The following KLHL32 variants were observed in gnomAD, a reference collection of about 807,000 sequenced individuals.
The protein encoded by KLHL32 is kelch-like protein 32.
A neutral mutation model predicts 64.8 loss-of-function variants in KLHL32; 35 were observed. The ratio of observed to expected loss-of-function variants is 0.54; its 90% CI spans 0.41 to 0.72. The LOEUF (loss-of-function observed/expected upper bound fraction) is 0.72. Among genes scored for constraint, KLHL32 ranks in the 30% least tolerant of loss-of-function variants. The pLI is 0.00. For synonymous variants in KLHL32, 259 were observed against 281.0 expected (o/e 0.92, Z 0.78); for missense variants, 589 against 768.5 (o/e 0.77, Z 2.76).
intron 3 of KLHL32, among the ~76,000 whole-genome samples, chr6:97,015,540 G>C (rs191632962): frequency 6.6e-6 from 1 of 152,342 alleles, no homozygotes; most frequent in East Asian, 1.9e-4. Flanking sequence ...CCCTGCCCTA[G>C]AGACCTGTGG....
chr6:97,085,405 G>A, intron 6 of KLHL32, 64 bp downstream of exon 6: 1 of 1,406,492 alleles, frequency 7.1e-7, no homozygotes, highest in Non-Finnish European at 1.0e-6. Context: ...GAAGTTAAAG[G>A]ACTGAGGAAC....
chr6:97,132,408 C>CCA (rs1799532866), intron 9 of KLHL32, among the ~76,000 whole-genome samples: 1 of 152,158 alleles, frequency 6.6e-6, no homozygotes, highest in Non-Finnish European at 1.5e-5. Context: ...GTATTTAATG[C>CCA]TGTACTTACT....
intron 3 of KLHL32, among the ~76,000 whole-genome samples, chr6:97,019,221 T>C (rs1408171609): frequency 6.6e-6 from 1 of 152,234 alleles, no homozygotes; most frequent in Non-Finnish European, 1.5e-5. Context: ...GTTCTTAATA[T>C]GGACTTGAAG....
chr6:96,922,273 A>G (rs954898219), upstream of KLHL32, among the ~76,000 whole-genome samples: 1 of 152,158 alleles, frequency 6.6e-6, no homozygotes, highest in Non-Finnish European at 1.5e-5. Flanking sequence ...AGAGCAATCA[A>G]TTGGGACTCA....
intron 6 of KLHL32, chr6:97,105,297 A>T: frequency 2.6e-6 from 1 of 379,728 alleles, no homozygotes; most frequent in Non-Finnish European, 5.3e-6. Context: ...ATGCATCATC[A>T]TCCATTCTAT....
chr6:97,101,876 A>G (rs1209250785), intron 6 of KLHL32, among the ~76,000 whole-genome samples: 1 of 152,232 alleles, frequency 6.6e-6, no homozygotes, highest in Non-Finnish European at 1.5e-5. Context: ...GTTGTATTAC[A>G]TAAAAATGGT....
At chr6:97,003,317 T>C (rs1779266624) in intron 3 of KLHL32, among the ~76,000 whole-genome samples, 1 of 152,112 alleles carries the variant, frequency 6.6e-6, no homozygotes, top group South Asian at 2.1e-4. Flanking sequence ...TGTCTGTTCA[T>C]GTCCTTTTCC....
intron 6 of KLHL32, among the ~76,000 whole-genome samples, chr6:97,095,903 T>A (rs933084321): frequency 5.3e-5 from 8 of 152,160 alleles, no homozygotes; most frequent in Non-Finnish European, 1.0e-4. Context: ...TTGCAGAAAG[T>A]CATATGCAAG....
intron 6 of KLHL32, among the ~76,000 whole-genome samples, chr6:97,094,543 A>C (rs576361367): frequency 1.9e-4 from 29 of 152,308 alleles, no homozygotes; most frequent in Non-Finnish European, 3.2e-4. Context: ...AGAGTTATGC[A>C]TTCTCCATGG....
At chr6:97,088,692 A>G (rs2128183143) in intron 6 of KLHL32, among the ~76,000 whole-genome samples, 1 of 152,332 alleles carries the variant, frequency 6.6e-6, no homozygotes, top group Admixed American at 6.5e-5. Flanking sequence ...TCAAATCATC[A>G]TATTGTACAC....
intron 1 of KLHL32, among the ~76,000 whole-genome samples, chr6:96,942,021 T>C (rs973119115): frequency 6.6e-6 from 1 of 152,236 alleles, no homozygotes; most frequent in African/African-American, 2.4e-5. Context: ...GTATATATAG[T>C]AACTTAGGTA....
intron 2 of KLHL32, among the ~76,000 whole-genome samples, chr6:96,968,032 T>A (rs1300168338): frequency 6.6e-6 from 1 of 152,198 alleles, no homozygotes; most frequent in Non-Finnish European, 1.5e-5. Flanking sequence ...GGGGAATACA[T>A]TTTTCTTAAG....
At position 97,140,273 on chromosome 6, in the gene KLHL32, C is replaced by T. The variant is rs879710703; in HGVS notation, c.*991C>T. On this transcript the variant is annotated 3_prime_UTR_variant, in exon 11 of 11. Coordinates refer to ENST00000369261, the MANE Select transcript of KLHL32 (RefSeq NM_052904.4). ...TTTAAAATCATTTAGTGAAAAATGA[C>T]ATTTAAAGCTAAAAAATAATTTAGT... 1.3e-5 allele frequency: 2 copies of T among 152,000 alleles called. No homozygotes were observed. Among genetic ancestry groups the T allele is most frequent in the African/African-American group, 2.4e-5 (1 of 41,414 alleles). The allele number at this position is 152,000 out of a possible 1,614,324, so 9.4% of individuals were successfully genotyped here.
At chr6:96,971,667 A>T (rs1775120354) in intron 2 of KLHL32, among the ~76,000 whole-genome samples, 1 of 152,072 alleles carries the variant, frequency 6.6e-6, no homozygotes, top group Non-Finnish European at 1.5e-5. Flanking sequence ...GTCCTGTGAA[A>T]TACAGGGACA....
At chr6:97,068,214 C>T (rs1023369136) in intron 5 of KLHL32, among the ~76,000 whole-genome samples, 9 of 152,038 alleles carry the variant, frequency 5.9e-5, no homozygotes, top group African/African-American at 2.2e-4. Context: ...ATCACCTTGC[C>T]CAAGCATATT....
chr6:97,003,033 G>A (rs761944337), intron 3 of KLHL32, among the ~76,000 whole-genome samples: 4 of 152,022 alleles, frequency 2.6e-5, no homozygotes, highest in Non-Finnish European at 5.9e-5. Flanking sequence ...ATGTGATTGC[G>A]GGTCAAATGG....
chr6:96,955,474 T>C (rs1016574973), intron 1 of KLHL32, among the ~76,000 whole-genome samples: 1 of 152,196 alleles, frequency 6.6e-6, no homozygotes, highest in Admixed American at 6.5e-5. Context: ...TACTATAGTT[T>C]CAGTGAGGTT....
intron 3 of KLHL32, among the ~76,000 whole-genome samples, chr6:97,003,653 A>T (rs1196591266): frequency 6.6e-6 from 1 of 152,020 alleles, no homozygotes; most frequent in Non-Finnish European, 1.5e-5. Flanking sequence ...ATCCATCTTG[A>T]GTTGATTTTT....
In KLHL32 at chr6:97,064,627, G is replaced by C; in HGVS notation, c.313-1G>C. 1 of 1,613,232 alleles carries C rather than the reference G, an allele frequency of 6.2e-7. No individual in the cohort carries two copies. Among genetic ancestry groups the C allele is most frequent in the Non-Finnish European group, 8.5e-7 (1 of 1,179,424 alleles). On this transcript the variant is annotated splice_acceptor_variant, in intron 4 of 10. Transcript: ENST00000369261. LOFTEE classifies it high-confidence loss of function. ...TTTATTTTTGTTAACAAACAAAACA[G>C]ATTTTGCTGGAGCCAGGTGTGATCC... is the stretch of plus-strand genomic sequence containing the variant.
Sources: gnomAD v4.1 joint callset for allele counts (sites outside exome capture counted in the v4.1 genomes callset) on GRCh38, gnomAD v4.1.1 for gene constraint, MANE v1.5 for transcripts, NCBI Gene and HGNC (gene_info 2026-07-23, HGNC 2026-07-21) for gene names.